Variants in NT5C2 observed in about 807,000 individuals in gnomAD.
The protein encoded by NT5C2 is 5'-nucleotidase, cytosolic II.
A neutral mutation model predicts 76.1 loss-of-function variants in NT5C2; 58 were observed. The observed-to-expected ratio is 0.76, with a 90% confidence interval of 0.62 to 0.95. The LOEUF is 0.95. Ranked by LOEUF, NT5C2 falls within the 40% of genes least tolerant of loss-of-function variation. The probability of loss-of-function intolerance (pLI) is 0.00; values close to 1 mark genes in which losing one functional copy is unlikely to be tolerated. For synonymous variants in NT5C2, 229 were observed against 237.4 expected (o/e 0.96, Z 0.32); for missense variants, 478 against 690.3 (o/e 0.69, Z 3.45).
intron 3 of NT5C2, among the ~76,000 whole-genome samples, chr10:103,163,800 T>C (rs2085572724): frequency 6.7e-6 from 1 of 148,490 alleles, no homozygotes; most frequent in Admixed American, 6.8e-5. Context: ...GTGAATCACT[T>C]GAGGTCAGGA....
chr10:103,191,011 C>T (rs1478751454), intron 1 of NT5C2, among the ~76,000 whole-genome samples: 23 of 152,212 alleles, frequency 1.5e-4, no homozygotes, highest in Admixed American at 1.4e-3. Context: ...TAAAAGAGCA[C>T]AGTCATAACA....
intron 4 of NT5C2, among the ~76,000 whole-genome samples, chr10:103,112,713 C>T (rs373254098): frequency 4.5e-4 from 68 of 152,308 alleles, no homozygotes; most frequent in African/African-American, 1.4e-3. Flanking sequence ...AGCATTACAA[C>T]ACTACCAACA....
At chr10:103,099,581 A>G (rs1047597025) in intron 9 of NT5C2, among the ~76,000 whole-genome samples, 1 of 152,156 alleles carries the variant, frequency 6.6e-6, no homozygotes, top group Non-Finnish European at 1.5e-5. Context: ...AATATTTATT[A>G]ATGTTATTAG....
chr10:103,183,584 C>T (rs2091592852), intron 1 of NT5C2, among the ~76,000 whole-genome samples: 1 of 146,448 alleles, frequency 6.8e-6, no homozygotes, highest in South Asian at 2.1e-4. Context: ...GGCACCATCT[C>T]AGCTCACTGC....
rs758508468 is a variant in NT5C2, at chr10:103,091,526, G to GAGTA, written c.1211+34_1211+37dup. 1.1e-5 allele frequency: 16 copies of GAGTA among 1,482,806 alleles called. No homozygotes were observed. In the African/African-American group the frequency reaches 1.8e-4, roughly 17 times the overall value. The allele number at this position is 1,482,806 out of a possible 1,614,324, so 91.9% of individuals were successfully genotyped here. ...CATTTCTTATATCTAAGTGATTCCT[G>GAGTA]AGTAAGTTTTTGGGAAAGAAATTTT... On this transcript the variant is annotated intron_variant, in intron 16 of 18. Transcript: ENST00000404739.
intron 1 of NT5C2, among the ~76,000 whole-genome samples, chr10:103,192,880 C>T (rs2092746834): frequency 1.3e-5 from 2 of 152,192 alleles, no homozygotes; most frequent in African/African-American, 4.8e-5. Context: ...GGGAAGAGGG[C>T]GGAACGCGGC....
intron 4 of NT5C2, among the ~76,000 whole-genome samples, chr10:103,129,157 G>C (rs1287250277): frequency 9.1e-6 from 1 of 109,694 alleles, no homozygotes; most frequent in Non-Finnish European, 2.0e-5. Flanking sequence ...CAGCCGCCCC[G>C]TCCGGGAGGT....
At chr10:103,128,194 G>C (rs900704861) in intron 4 of NT5C2, among the ~76,000 whole-genome samples, 10 of 149,074 alleles carry the variant, frequency 6.7e-5, no homozygotes, top group African/African-American at 2.2e-4. Flanking sequence ...TCCTGCCTCA[G>C]CCTGCCGAGT....
intron 4 of NT5C2, among the ~76,000 whole-genome samples, chr10:103,134,702 G>C (rs1251405063): frequency 6.6e-6 from 1 of 152,136 alleles, no homozygotes; most frequent in African/African-American, 2.4e-5. Context: ...CAGAATAATA[G>C]ATCCACTGAC....
chr10:103,137,722 C>G (rs1307977308), intron 4 of NT5C2, among the ~76,000 whole-genome samples: 2 of 152,210 alleles, frequency 1.3e-5, no homozygotes, highest in Non-Finnish European at 2.9e-5. Flanking sequence ...ATATGCTCAA[C>G]TTGATCCCTC....
intron 11 of NT5C2, among the ~76,000 whole-genome samples, chr10:103,096,850 A>T (rs1437275519): frequency 6.7e-6 from 1 of 149,030 alleles, no homozygotes; most frequent in Non-Finnish European, 1.5e-5. Flanking sequence ...TGTCTCAAAA[A>T]AAAAAAAAAA....
At chr10:103,109,346 G>C (rs1354394600) in intron 4 of NT5C2, among the ~76,000 whole-genome samples, 2 of 152,002 alleles carry the variant, frequency 1.3e-5, no homozygotes, top group African/African-American at 4.8e-5. Context: ...AAAACCATAA[G>C]GCATGGCACC....
intron 4 of NT5C2, among the ~76,000 whole-genome samples, chr10:103,129,555 C>A (rs1445314848): frequency 1.0e-3 from 131 of 126,042 alleles, no homozygotes; most frequent in African/African-American, 3.7e-3. Context: ...CGGCCAGCCG[C>A]CCCGTCCGGG....
intron 1 of NT5C2, among the ~76,000 whole-genome samples, chr10:103,191,200 T>C (rs2092610263): frequency 6.6e-6 from 1 of 152,148 alleles, no homozygotes; most frequent in African/African-American, 2.4e-5. Flanking sequence ...GAGACCAGCC[T>C]GACCAACTTG....
intron 13 of NT5C2, 66 bp downstream of exon 13, chr10:103,094,281 TA>T: frequency 9.4e-7 from 1 of 1,060,440 alleles, no homozygotes. Flanking sequence ...TTATGTAGAG[TA>T]AGAGTGGGGG....
chr10:103,187,765 CCTAA>C (rs1161143650), intron 1 of NT5C2, among the ~76,000 whole-genome samples: 1 of 151,922 alleles, frequency 6.6e-6, no homozygotes, highest in African/African-American at 2.4e-5. Context: ...TACACAAATG[CCTAA>C]CTAGATTCTA....
chr10:103,151,074 T>C (rs1014983550), intron 3 of NT5C2, among the ~76,000 whole-genome samples: 1 of 152,216 alleles, frequency 6.6e-6, no homozygotes, highest in African/African-American at 2.4e-5. Flanking sequence ...GATCCATTTA[T>C]TTTAATGTAC....
chr10:103,153,695 G>A (rs1367930579), intron 3 of NT5C2: 1 of 985,338 alleles, frequency 1.0e-6, no homozygotes, highest in Non-Finnish European at 1.2e-6. Flanking sequence ...CAAACAATGT[G>A]AGTTTCACAG....
At chr10:103,184,070 A>G (rs959398965) in intron 1 of NT5C2, among the ~76,000 whole-genome samples, 4 of 151,794 alleles carry the variant, frequency 2.6e-5, no homozygotes, top group Non-Finnish European at 4.4e-5. Context: ...CTCCTGCGTC[A>G]GCCTCCCAAG....
Sources: gnomAD v4.1 joint callset for allele counts (sites outside exome capture counted in the v4.1 genomes callset) on GRCh38, gnomAD v4.1.1 for gene constraint, MANE v1.5 for transcripts, NCBI Gene and HGNC (gene_info 2026-07-23, HGNC 2026-07-21) for gene names.